Variants in GALNT14 observed in about 807,000 individuals in gnomAD.
GALNT14 encodes UDP-GalNAc:polypeptide N-acetylgalactosaminyltransferase 14.
Under a neutral mutation model 77.5 loss-of-function variants are expected in GALNT14, and 60 were observed. The ratio of observed to expected loss-of-function variants is 0.77; its 90% confidence interval spans 0.63 to 0.96. The LOEUF is 0.96. Among genes scored for constraint, GALNT14 ranks in the 40% least tolerant of loss-of-function variants. The pLI, the probability that GALNT14 is intolerant of heterozygous loss-of-function variation, is 0.00. For synonymous variants in GALNT14, 280 were observed against 281.7 expected, an observed-to-expected ratio of 0.99 and a Z score of 0.06; for missense variants, 710 against 731.0, an observed-to-expected ratio of 0.97 and a Z score of 0.33.
chr2:30,976,612 C>CGTGTGT lies in GALNT14; in HGVS notation c.300-10316_300-10311dup, dbSNP rs368747490. 3.6e-3 allele frequency among the ~76,000 whole-genome samples: 534 copies of CGTGTGT among 148,390 alleles called. 5 individuals are homozygous for CGTGTGT. Among genetic ancestry groups the CGTGTGT allele is most frequent in the African/African-American group, 0.013 (497 of 39,092 alleles). On this transcript the variant is annotated intron_variant, in intron 2 of 14. Transcript: ENST00000349752. ...GCAGCTGTGTGTGCATGTGCGTGTG[C>CGTGTGT]GTGTGTGTATGTGTGTGTGTGTGTG...
At chr2:30,937,687 T>C (rs922771688) in intron 9 of GALNT14, among the ~76,000 whole-genome samples, 3 of 152,178 alleles carry the variant, frequency 2.0e-5, no homozygotes, top group Non-Finnish European at 4.4e-5. Context: ...GCTCAAGTGT[T>C]TAAATTGGGT....
intron 1 of GALNT14, among the ~76,000 whole-genome samples, chr2:31,052,553 A>C (rs187383765): frequency 2.6e-4 from 40 of 152,274 alleles, no homozygotes; most frequent in South Asian, 1.5e-3. Flanking sequence ...CTGCTCAGCC[A>C]AGACACCCCT....
chr2:31,131,360 T>C (rs1246576123), intron 1 of GALNT14, among the ~76,000 whole-genome samples: 3 of 152,120 alleles, frequency 2.0e-5, no homozygotes, highest in African/African-American at 7.2e-5. Flanking sequence ...GGCACGGGCA[T>C]GTCCAGACTC....
rs1572949553 is a variant in GALNT14, at chr2:30,910,786, A to C, written c.*115T>G. On this transcript the variant is annotated 3_prime_UTR_variant, in exon 15 of 15. Coordinates refer to ENST00000349752, the MANE Select transcript of GALNT14 (RefSeq NM_024572.4). Reference sequence around the variant, plus strand: ...TCCTGTCCTGGGGGGCTCTGCCTCCACCTCCCAGTCCAGGATGTCTGAGGT... The same window carrying C: ...TCCTGTCCTGGGGGGCTCTGCCTCCCCCTCCCAGTCCAGGATGTCTGAGGT... 3 of 1,166,022 alleles carry C rather than the reference A, an allele frequency of 2.6e-6. No individual in the cohort carries two copies. The highest frequency in any genetic ancestry group is 4.8e-5 in the Admixed American group (2 of 41,958). 72.2% of individuals were successfully genotyped at this position (1,166,022 alleles called of 1,614,324 possible). A position where few individuals can be genotyped will look rare whatever the true frequency, so the allele number is the denominator to read the frequency against.
At chr2:31,112,233 T>C (rs1021489143) in intron 1 of GALNT14, among the ~76,000 whole-genome samples, 3 of 152,194 alleles carry the variant, frequency 2.0e-5, no homozygotes, top group African/African-American at 7.2e-5. Context: ...AGTGGCTGCT[T>C]TCTTAGCCTA....
chr2:31,052,918 C>T (rs72854820), intron 1 of GALNT14, among the ~76,000 whole-genome samples: 2,573 of 152,274 alleles, frequency 0.017, 74 homozygotes, highest in African/African-American at 0.057. Flanking sequence ...GGTGTCCCTC[C>T]TCCTTCAAAA....
chr2:31,101,718 A>C lies in GALNT14; in HGVS notation c.129+36240T>G, dbSNP rs184689825. 5.1e-3 allele frequency among the ~76,000 whole-genome samples: 773 copies of C among 151,956 alleles called. 8 individuals carry two copies. Among genetic ancestry groups the C allele is most frequent in the African/African-American group, 0.018 (742 of 41,420 alleles). On this transcript the variant is annotated intron_variant, in intron 1 of 14. Transcript: ENST00000349752. ...TCTTGATTAGATTAACTAGTAGTTT[A>C]TTTTATTGTTGTTTTTTTCCCCATG... is the stretch of plus-strand genomic sequence containing the variant.
At chr2:30,966,070 C>G in intron 3 of GALNT14, 134 bp downstream of exon 3, 1 of 645,668 alleles carries the variant, frequency 1.5e-6, no homozygotes, top group Non-Finnish European at 2.8e-6. Context: ...ACACATGTGA[C>G]ATATAGAATA....
At chr2:31,002,768 T>C (rs887057723) in intron 1 of GALNT14, among the ~76,000 whole-genome samples, 2 of 152,212 alleles carry the variant, frequency 1.3e-5, no homozygotes, top group African/African-American at 4.8e-5. Flanking sequence ...AGAGGATGAC[T>C]GTCAGTGGCA....
rs545904879 is a variant in GALNT14, at chr2:30,988,564, G to A, written c.299+4274C>T. Among the ~76,000 whole-genome samples, 17 of 148,052 alleles carry A rather than the reference G, an allele frequency of 1.1e-4. No individual in the cohort carries two copies. In the South Asian group the frequency reaches 3.4e-3, roughly 30 times the overall value. ...GTCATGTCAGTGGAGAAATGGAGAG[G>A]GCTGTAGTGTGTGGGGGAGGTGGTG... On this transcript the variant is annotated intron_variant, in intron 2 of 14. Transcript: ENST00000349752.
chr2:31,040,865 G>A (rs1673056117), intron 1 of GALNT14, among the ~76,000 whole-genome samples: 1 of 152,150 alleles, frequency 6.6e-6, no homozygotes, highest in African/African-American at 2.4e-5. Context: ...CCCACCACAT[G>A]GGCTATAAAT....
Position 30,911,021 on chromosome 2 carries a change from TG to T in GALNT14, c.1538del (p.Ala513AspfsTer31), listed in dbSNP as rs765292501. 1 of 1,614,026 alleles carries T rather than the reference TG, an allele frequency of 6.2e-7. No individual in the cohort carries two copies. The highest frequency in any genetic ancestry group is 1.1e-5 in the South Asian group (1 of 91,062). The stretch of plus-strand genomic sequence containing the variant: ...TATCTGTATCGAGGCAGAGGTGGGA[TG>T]CTATGTGCTCGATGTGGGAACCAGT... The part of the protein sequence containing the change: ...TKTGSHIEHI[A>X]SHLCLDTDMF... On this transcript the variant is annotated frameshift_variant, in exon 15 of 15. Transcript: ENST00000349752. LOFTEE classifies it high-confidence loss of function.
intron 1 of GALNT14, among the ~76,000 whole-genome samples, chr2:31,095,290 G>A (rs1038134827): frequency 2.0e-5 from 3 of 152,152 alleles, no homozygotes; most frequent in African/African-American, 4.8e-5. Flanking sequence ...TTTCAACCTT[G>A]CTCCAGTTGT....
intron 1 of GALNT14, among the ~76,000 whole-genome samples, chr2:31,021,329 A>C (rs1214474512): frequency 6.6e-6 from 1 of 151,356 alleles, no homozygotes; most frequent in Admixed American, 6.6e-5. Flanking sequence ...TTTGCGACAG[A>C]GTTTTGCTCT....
At chr2:30,957,839 A>T (rs1667458783) in intron 4 of GALNT14, among the ~76,000 whole-genome samples, 1 of 152,168 alleles carries the variant, frequency 6.6e-6, no homozygotes, top group Non-Finnish European at 1.5e-5. Flanking sequence ...TCCTGGGAGG[A>T]CGGCCTTCAG....
At chr2:31,064,559 C>T (rs946183786) in intron 1 of GALNT14, among the ~76,000 whole-genome samples, 1 of 152,172 alleles carries the variant, frequency 6.6e-6, no homozygotes, top group African/African-American at 2.4e-5. Flanking sequence ...ATTCTAATTC[C>T]CTTAGATTAT....
intron 1 of GALNT14, among the ~76,000 whole-genome samples, chr2:31,103,416 G>A (rs1008779546): frequency 5.3e-5 from 8 of 151,902 alleles, no homozygotes; most frequent in Non-Finnish European, 7.4e-5. Flanking sequence ...AGAAAGAGAC[G>A]TACATCCTGA....
chr2:31,126,331 G>A (rs1235308570), intron 1 of GALNT14, among the ~76,000 whole-genome samples: 2 of 152,150 alleles, frequency 1.3e-5, no homozygotes, highest in African/African-American at 4.8e-5. Context: ...AGGGAAGGAA[G>A]CTTGGGGTGA....
In GALNT14 at chr2:31,129,124, T is replaced by G. The variant is rs1573389561; in HGVS notation, c.129+8834A>C. Among the ~76,000 whole-genome samples, 3 of 152,338 alleles carry G rather than the reference T, an allele frequency of 2.0e-5. 1 individual carries two copies. The highest frequency in any genetic ancestry group is 2.0e-4 in the Admixed American group (3 of 15,310). The stretch of plus-strand genomic sequence containing the variant: ...CTGGCAAAGGAATCTCACCTGAAGT[T>G]GAGCGTGGCTCTAACAGAAACAGCA... On this transcript the variant is annotated intron_variant, in intron 1 of 14. Coordinates refer to ENST00000349752, the MANE Select transcript of GALNT14 (RefSeq NM_024572.4).
Sources: allele counts gnomAD v4.1 joint callset (sites outside exome capture counted in the v4.1 genomes callset), GRCh38; gene constraint gnomAD v4.1.1; transcripts MANE v1.5; gene names NCBI Gene and HGNC (gene_info 2026-07-23, HGNC 2026-07-21).